LRRC37A2: variants seen among roughly 807,000 people sequenced by gnomAD.
LRRC37A2 encodes leucine rich repeat containing 37 member A2.
Under a neutral mutation model 68.8 loss-of-function variants are expected in LRRC37A2, and 9 were observed. The ratio of observed to expected loss-of-function variants is 0.13; its 90% CI spans 0.08 to 0.23. The LOEUF (loss-of-function observed/expected upper bound fraction) is 0.23, where lower values mean the gene tolerates loss of function less well. Ranked by LOEUF, LRRC37A2 falls within the 10% of genes least tolerant of loss-of-function variation. The pLI is 1.00. For missense variants in LRRC37A2, 168 were observed against 950.4 expected (o/e 0.18, Z 10.82); for synonymous variants, 63 against 367.6 (o/e 0.17, Z 9.48).
At chr17:46,719,734 G>A in the LRRC37A2 span, among the ~76,000 whole-genome samples, 12 of 151,732 alleles carry the variant, frequency 7.9e-5, no homozygotes, top group Non-Finnish European at 1.3e-4. The surrounding 1 kb of genome is among the most constrained non-coding windows in gnomAD (Gnocchi z 4.3). Context: ...AGTTCTATTC[G>A]TGCCATTAAA....
the LRRC37A2 span, among the ~76,000 whole-genome samples, chr17:46,496,874 C>T: frequency 3.5e-5 from 5 of 143,750 alleles, no homozygotes; most frequent in Non-Finnish European, 7.6e-5. Flanking sequence ...AAGATCATGC[C>T]ATTGCACTCT....
At chr17:46,950,359 A>G in the LRRC37A2 span, among the ~76,000 whole-genome samples, 1 of 152,126 alleles carries the variant, frequency 6.6e-6, no homozygotes, top group Non-Finnish European at 1.5e-5. Flanking sequence ...AAGGGCCAGG[A>G]GGGTGAGGAT....
At chr17:46,918,219 A>G in the LRRC37A2 span, among the ~76,000 whole-genome samples, 1 of 152,218 alleles carries the variant, frequency 6.6e-6, no homozygotes, top group Non-Finnish European at 1.5e-5. Flanking sequence ...AGCTGGGACT[A>G]CAGGCACGTG....
chr17:46,925,208 T>C, the LRRC37A2 span, among the ~76,000 whole-genome samples: 1 of 152,218 alleles, frequency 6.6e-6, no homozygotes, highest in Admixed American at 6.5e-5. Context: ...TGCTGTTATA[T>C]TGGGAAAACA....
the LRRC37A2 span, among the ~76,000 whole-genome samples, chr17:46,865,391 C>G: frequency 6.6e-5 from 10 of 152,050 alleles, no homozygotes; most frequent in Non-Finnish European, 7.4e-5. Flanking sequence ...GGACCCGGCT[C>G]TTTCCTCTCT....
the LRRC37A2 span, chr17:46,710,871 A>T: frequency 3.6e-6 from 4 of 1,104,350 alleles, no homozygotes; most frequent in Non-Finnish European, 3.8e-6. Flanking sequence ...AGTGATCAAT[A>T]CCTTTAGCAT....
the LRRC37A2 span, chr17:46,769,940 T>G: frequency 6.2e-7 from 1 of 1,613,250 alleles, no homozygotes; most frequent in Non-Finnish European, 8.5e-7. Context: ...CCCCTTATGA[T>G]GCGAGTCACA....
the LRRC37A2 span, among the ~76,000 whole-genome samples, chr17:46,862,996 C>T: frequency 4.4e-3 from 677 of 152,356 alleles, 15 homozygotes; most frequent in East Asian, 0.035. Context: ...TCAGAGGGAA[C>T]GGGCCTGGCT....
At chr17:46,784,416 G>A in the LRRC37A2 span, among the ~76,000 whole-genome samples, 1 of 152,164 alleles carries the variant, frequency 6.6e-6, no homozygotes, top group East Asian at 1.9e-4. Flanking sequence ...CTTGTAAGGA[G>A]CTAAAAGTTG....
chr17:46,938,980 T>C, the LRRC37A2 span: 1 of 1,413,886 alleles, frequency 7.1e-7, no homozygotes, highest in Middle Eastern at 2.6e-4. Flanking sequence ...GCTTAGGAAA[T>C]GAAAGAAGTC....
chr17:47,000,471 G>A, the LRRC37A2 span, among the ~76,000 whole-genome samples: 2 of 152,018 alleles, frequency 1.3e-5, no homozygotes, highest in Non-Finnish European at 2.9e-5. Context: ...CTGAGCTCAA[G>A]TGATCTGCCC....
At chr17:46,710,325 G>A in the LRRC37A2 span, among the ~76,000 whole-genome samples, 1 of 152,104 alleles carries the variant, frequency 6.6e-6, no homozygotes, top group Non-Finnish European at 1.5e-5. Flanking sequence ...CAATGAAGAA[G>A]GGTGCAATTT....
intron 8 of LRRC37A2, among the ~76,000 whole-genome samples, chr17:46,541,673 A>G (rs1435856639): frequency 6.6e-6 from 1 of 150,970 alleles, no homozygotes; most frequent in Non-Finnish European, 1.5e-5. Flanking sequence ...TGGATGGGGA[A>G]TATTTGGAAA....
the LRRC37A2 span, among the ~76,000 whole-genome samples, chr17:46,782,872 C>T: frequency 6.6e-6 from 1 of 152,236 alleles, no homozygotes; most frequent in African/African-American, 2.4e-5. Flanking sequence ...CCTGCGGGTA[C>T]TGAGCACAGG....
At chr17:46,933,533 G>A in the LRRC37A2 span, 6 of 152,050 alleles carry the variant, frequency 3.9e-5, no homozygotes, top group Non-Finnish European at 7.3e-5. Flanking sequence ...AAGACCTGAC[G>A]CCTATCTGTG....
At chr17:46,833,486 A>G in the LRRC37A2 span, 2 of 475,192 alleles carry the variant, frequency 4.2e-6, no homozygotes, top group South Asian at 3.0e-5. Flanking sequence ...CCGACTCCCC[A>G]TCTGGTCACC....
the LRRC37A2 span, among the ~76,000 whole-genome samples, chr17:47,014,560 T>C: frequency 6.6e-6 from 1 of 151,818 alleles, no homozygotes. Flanking sequence ...TTCTGGGGCT[T>C]TTCCTAAAGT....
At chr17:46,714,203 A>G in the LRRC37A2 span, among the ~76,000 whole-genome samples, 1 of 152,180 alleles carries the variant, frequency 6.6e-6, no homozygotes, top group South Asian at 2.1e-4. Context: ...CTTCTAAATT[A>G]TGCTTTGTTT....
At chr17:46,814,544 G>A in the LRRC37A2 span, among the ~76,000 whole-genome samples, 1 of 152,192 alleles carries the variant, frequency 6.6e-6, no homozygotes, top group Non-Finnish European at 1.5e-5. Context: ...AGACCACCCG[G>A]TTAAAGCCTG....
Sources: allele counts gnomAD v4.1 joint callset (sites outside exome capture counted in the v4.1 genomes callset), GRCh38; gene constraint gnomAD v4.1.1; non-coding constraint Gnocchi (gnomAD v3.1); transcripts MANE v1.5; gene names NCBI Gene and HGNC (gene_info 2026-07-23, HGNC 2026-07-21).